Variants in BICD1 observed in about 807,000 individuals in gnomAD.
BICD1 encodes protein bicaudal D homolog 1.
In BICD1, 35 loss-of-function variants were observed where a neutral mutation model predicts 92.5. The ratio of observed to expected loss-of-function variants is 0.38; its 90% CI spans 0.29 to 0.50. The LOEUF is 0.50. Ranked by LOEUF, BICD1 falls within the 20% of genes least tolerant of loss-of-function variation. BICD1 has a pLI of 0.93. For missense variants in BICD1, 950 were observed against 1,189.8 expected (o/e 0.80, Z 2.97); for synonymous variants, 429 against 465.1 (o/e 0.92, Z 1.00).
rs1473962288 is a variant in BICD1 at position 32,253,489 on chromosome 12, TC to T, written c.426+37031del. Among the ~76,000 whole-genome samples the T allele has an allele frequency of 3.3e-5, 5 of 151,296 alleles. No individual in the cohort carries two copies. The South Asian group carries it at 6.3e-4, about 19-fold the overall frequency. On this transcript the variant is annotated intron_variant, in intron 2 of 9. Coordinates refer to ENST00000652176, the MANE Select transcript of BICD1 (RefSeq NM_001714.4). ...TAAGAGCTCAAGAAAGGCCGTGGAT[TC>T]TTTTTTTTTTTATTTTTATAGTAAA...
At chr12:32,293,138 G>C (rs546670188) in intron 2 of BICD1, among the ~76,000 whole-genome samples, 10 of 152,182 alleles carry the variant, frequency 6.6e-5, no homozygotes, top group African/African-American at 1.9e-4. Context: ...CAGTTTTCTG[G>C]ATATTCTTAC....
At chr12:32,215,822 T>C (rs1299259498) in intron 1 of BICD1, among the ~76,000 whole-genome samples, 5 of 151,108 alleles carry the variant, frequency 3.3e-5, no homozygotes, top group Non-Finnish European at 7.4e-5. Context: ...GGCGTGTTGG[T>C]GGGCACCTGT....
chr12:32,327,190 CTAA>C (rs1948799095), intron 4 of BICD1, among the ~76,000 whole-genome samples: 1 of 152,144 alleles, frequency 6.6e-6, no homozygotes, highest in African/African-American at 2.4e-5. Context: ...TAAGATTGTT[CTAA>C]TAACATTGAA....
At chr12:32,266,510 A>C (rs1188280126) in intron 2 of BICD1, among the ~76,000 whole-genome samples, 1 of 152,176 alleles carries the variant, frequency 6.6e-6, no homozygotes, top group Non-Finnish European at 1.5e-5. Context: ...CTGCCAAAAA[A>C]TCATCTTAAA....
chr12:32,327,363 C>A, intron 4 of BICD1, 98 bp from the exon 5 acceptor site: 1 of 1,371,458 alleles, frequency 7.3e-7, no homozygotes, highest in Non-Finnish European at 9.8e-7. Flanking sequence ...GGCTCTGCTG[C>A]AGTGATTTTA....
Position 32,313,017 on chromosome 12 carries a change from G to C in BICD1, c.1005+6895G>C, listed in dbSNP as rs1240073378. Among the ~76,000 whole-genome samples, 1 of 152,036 alleles carries C rather than the reference G, an allele frequency of 6.6e-6. No individual in the cohort carries two copies. The highest frequency in any genetic ancestry group is 1.5e-5 in the Non-Finnish European group (1 of 67,998). ...AACTAAATTACTTAATCAATTTAAA[G>C]GTGTCCTGTATGCTTGTGCTGAAAT... On this transcript the variant is annotated intron_variant, in intron 4 of 9. Transcript: ENST00000652176. The surrounding 1 kb of genome is among the most constrained non-coding windows in gnomAD (Gnocchi z 4.2).
chr12:32,270,365 T>C (rs1483961117), intron 2 of BICD1, among the ~76,000 whole-genome samples: 5 of 152,160 alleles, frequency 3.3e-5, no homozygotes, highest in African/African-American at 1.2e-4. Flanking sequence ...GTTTCATTTT[T>C]TCTGGAGAAT....
At chr12:32,196,098 ACCT>A (rs769477630) in intron 1 of BICD1, among the ~76,000 whole-genome samples, 34 of 152,214 alleles carry the variant, frequency 2.2e-4, no homozygotes, top group Non-Finnish European at 1.3e-4. Context: ...ATGAGCTATC[ACCT>A]TGCACCTGTT....
rs115518363 is a variant in BICD1, at chr12:32,263,929, T to C, written c.427-30065T>C. On this transcript the variant is annotated intron_variant, in intron 2 of 9. Transcript: ENST00000652176. ...GATGAGTAGTAGTTCATTAAAAAAT[T>C]CTTTAAAATTTTTTTTACCACAAAA... 4.5e-3 allele frequency among the ~76,000 whole-genome samples: 691 copies of C among 152,260 alleles called. 4 individuals are homozygous for C. The highest frequency in any genetic ancestry group is 0.016 in the African/African-American group (663 of 41,504).
At chr12:32,153,422 T>G (rs1328034607) in intron 1 of BICD1, among the ~76,000 whole-genome samples, 1 of 152,190 alleles carries the variant, frequency 6.6e-6, no homozygotes, top group African/African-American at 2.4e-5. Flanking sequence ...GTTTGTTTTC[T>G]TACGGATATA....
chr12:32,265,537 C>T (rs1322889038), intron 2 of BICD1, among the ~76,000 whole-genome samples: 4 of 134,468 alleles, frequency 3.0e-5, no homozygotes, highest in African/African-American at 8.6e-5. Flanking sequence ...AGTGAGACCC[C>T]GTTTCTACAG....
intron 2 of BICD1, among the ~76,000 whole-genome samples, chr12:32,246,082 G>A (rs1946378957): frequency 2.1e-5 from 3 of 139,630 alleles, no homozygotes; most frequent in African/African-American, 5.3e-5. Flanking sequence ...ACAACTTGGA[G>A]CAAAAAAACC....
chr12:32,342,334 A>T (rs1342109288), intron 8 of BICD1, among the ~76,000 whole-genome samples: 1 of 149,474 alleles, frequency 6.7e-6, no homozygotes, highest in Admixed American at 6.7e-5. Flanking sequence ...GGCTCACTGC[A>T]AGCTCTGCCT....
At chr12:32,304,133 T>C (rs192569650) in intron 3 of BICD1, among the ~76,000 whole-genome samples, 2 of 152,210 alleles carry the variant, frequency 1.3e-5, no homozygotes, top group Admixed American at 1.3e-4. Context: ...TAGGTGTCTG[T>C]TACATCAGCC....
rs1274028570 is a variant in BICD1 at position 32,282,199 on chromosome 12, CTTCTTTTTTTTTTTTTTTTTTT to C, written c.427-11792_427-11771del. 1.0e-3 allele frequency among the ~76,000 whole-genome samples: 69 copies of C among 69,018 alleles called. 3 individuals carry two copies. In the East Asian group the frequency reaches 0.02, roughly 20 times the overall value. 45.3% of individuals were successfully genotyped at this position (69,018 alleles called of 152,430 possible). ...AAAGCAAGACCCAGCTTCAGGTCTT[CTTCTTTTTTTTTTTTTTTTTTT>C]TTTTTTTTTTTTTTTTTGACACAGG... On this transcript the variant is annotated intron_variant, in intron 2 of 9. Coordinates refer to ENST00000652176, the MANE Select transcript of BICD1 (RefSeq NM_001714.4).
intron 1 of BICD1, among the ~76,000 whole-genome samples, chr12:32,204,517 C>T (rs1485171982): frequency 6.6e-6 from 1 of 152,100 alleles, no homozygotes; most frequent in Non-Finnish European, 1.5e-5. Flanking sequence ...TGTAGAGTCA[C>T]AAACAGGAAT....
chr12:32,276,881 A>G (rs963336032), intron 2 of BICD1, among the ~76,000 whole-genome samples: 2 of 152,232 alleles, frequency 1.3e-5, no homozygotes, highest in African/African-American at 4.8e-5. Context: ...GGTAGTGAGC[A>G]TAGTAAGCAA....
At position 32,206,521 on chromosome 12, in the gene BICD1, A is replaced by T. The variant is rs562054487; in HGVS notation, c.214-9726A>T. ...CTCAGGAGGCTGAGGTAGGAGAATC[A>T]CTTGAACCTGGGAGATGGAGGTTGC... On this transcript the variant is annotated intron_variant, in intron 1 of 9. Coordinates refer to ENST00000652176, the MANE Select transcript of BICD1 (RefSeq NM_001714.4). Among the ~76,000 whole-genome samples, 5 of 152,208 alleles carry T rather than the reference A, an allele frequency of 3.3e-5. No individual in the cohort carries two copies. The East Asian group carries it at 9.7e-4, about 29-fold the overall frequency.
intron 2 of BICD1, among the ~76,000 whole-genome samples, chr12:32,239,952 T>C (rs1946191068): frequency 6.6e-6 from 1 of 152,120 alleles, no homozygotes; most frequent in Non-Finnish European, 1.5e-5. Context: ...TTAGATATGG[T>C]ATTGAACACT....
Sources: gnomAD v4.1 joint callset for allele counts (sites outside exome capture counted in the v4.1 genomes callset) on GRCh38, gnomAD v4.1.1 for gene constraint, Gnocchi (gnomAD v3.1) non-coding constraint, MANE v1.5 for transcripts, NCBI Gene and HGNC (gene_info 2026-07-23, HGNC 2026-07-21) for gene names.